The following RBFOX1 variants were observed in gnomAD, a reference collection of about 807,000 sequenced individuals.
RBFOX1 encodes RNA binding fox-1 homolog 1.
A neutral mutation model predicts 57.7 loss-of-function variants in RBFOX1; 8 were observed. The ratio of observed to expected loss-of-function variants is 0.14; its 90% confidence interval spans 0.08 to 0.25. The LOEUF (loss-of-function observed/expected upper bound fraction) is 0.25, where lower values mean the gene tolerates loss of function less well. RBFOX1 is among the 10% of genes least tolerant of loss of function. The probability of loss-of-function intolerance (pLI) is 1.00; values close to 1 mark genes in which losing one functional copy is unlikely to be tolerated. For missense variants in RBFOX1, 611 were observed against 548.5 expected, an observed-to-expected ratio of 1.11 and a Z score of -1.14; for synonymous variants, 326 against 222.4, an observed-to-expected ratio of 1.47 and a Z score of -4.15.
intron 5 of RBFOX1, among the ~76,000 whole-genome samples, chr16:7,543,998 C>T (rs143737611): frequency 2.0e-4 from 30 of 152,270 alleles, no homozygotes; most frequent in South Asian, 1.7e-3. Context: ...GGATTATAGG[C>T]GTAAGCCACC....
chr16:7,108,821 TC>T (rs1243180672), intron 4 of RBFOX1, among the ~76,000 whole-genome samples: 2 of 152,126 alleles, frequency 1.3e-5, no homozygotes, highest in African/African-American at 4.8e-5. Flanking sequence ...TGTACCTAAA[TC>T]CCCGTCAAGG....
intron 3 of RBFOX1, among the ~76,000 whole-genome samples, chr16:5,779,526 C>T (rs1213594669): frequency 6.6e-6 from 1 of 152,194 alleles, no homozygotes; most frequent in Non-Finnish European, 1.5e-5. Context: ...ATTGAAACTA[C>T]AGAATCAAAC....
intron 4 of RBFOX1, among the ~76,000 whole-genome samples, chr16:7,193,993 C>G (rs117785805): frequency 4.0e-5 from 6 of 151,612 alleles, no homozygotes; most frequent in South Asian, 4.2e-4. Flanking sequence ...TAGTCTTTCC[C>G]AAGTATAAGC....
chr16:6,807,643 C>G (rs1026280028), intron 3 of RBFOX1, among the ~76,000 whole-genome samples: 4 of 151,960 alleles, frequency 2.6e-5, no homozygotes, highest in African/African-American at 4.8e-5. Flanking sequence ...TGGTGAAAGC[C>G]CATCTCCACT....
chr16:6,963,268 T>C (rs1187005113), intron 3 of RBFOX1, among the ~76,000 whole-genome samples: 1 of 152,156 alleles, frequency 6.6e-6, no homozygotes, highest in East Asian at 1.9e-4. Flanking sequence ...TAGCCCATCT[T>C]AGGGTCTTTC....
At chr16:7,699,733 CCTTT>C (rs1409020923) in intron 14 of RBFOX1, among the ~76,000 whole-genome samples, 3 of 151,622 alleles carry the variant, frequency 2.0e-5, no homozygotes, top group Admixed American at 6.6e-5. Flanking sequence ...AATGAGTTCA[CCTTT>C]TTTTTTTACT....
intron 1 of RBFOX1, among the ~76,000 whole-genome samples, chr16:6,117,234 G>A (rs2096506194): frequency 6.6e-6 from 1 of 152,146 alleles, no homozygotes; most frequent in Non-Finnish European, 1.5e-5. Context: ...TACTATGAGT[G>A]TGTAAATTCC....
At position 6,013,814 on chromosome 16, in the gene RBFOX1, C is replaced by A. The variant is rs562038264; in HGVS notation, c.351+146479C>A. Among the ~76,000 whole-genome samples the A allele has an allele frequency of 7.2e-5, 11 of 151,910 alleles. No individual in the cohort carries two copies. In the East Asian group the frequency reaches 2.1e-3, roughly 29 times the overall value. On this transcript the variant is annotated intron_variant, in intron 4 of 19. Coordinates refer to the RBFOX1 transcript ENST00000641259. ...AAGTCTTTGCTATTGTGAATAGTGC[C>A]GCATGGATGAAGCTGGAAACCATCA... is the stretch of plus-strand genomic sequence containing the variant.
intron 1 of RBFOX1, among the ~76,000 whole-genome samples, chr16:5,301,956 TCTC>T (rs1182131488): frequency 6.6e-6 from 1 of 152,166 alleles, no homozygotes; most frequent in Non-Finnish European, 1.5e-5. Context: ...CTGATTTCTC[TCTC>T]ATTTTTATTT....
chr16:7,142,117 A>G (rs1229385941), intron 4 of RBFOX1, among the ~76,000 whole-genome samples: 1 of 151,926 alleles, frequency 6.6e-6, no homozygotes, highest in Non-Finnish European at 1.5e-5. Flanking sequence ...TCAACCTCCC[A>G]GGCTAAAGGG....
chr16:6,813,789 C>A (rs557811661), intron 3 of RBFOX1, among the ~76,000 whole-genome samples: 65 of 152,282 alleles, frequency 4.3e-4, no homozygotes, highest in African/African-American at 1.5e-3. Flanking sequence ...TGCAGAGATG[C>A]GGAGGATTCC....
intron 2 of RBFOX1, among the ~76,000 whole-genome samples, chr16:6,451,476 G>C (rs548919614): frequency 6.6e-6 from 1 of 152,056 alleles, no homozygotes; most frequent in Non-Finnish European, 1.5e-5. Context: ...AGACTCACTC[G>C]GGCCAAAATC....
intron 11 of RBFOX1, among the ~76,000 whole-genome samples, chr16:7,643,345 C>T (rs757449606): frequency 6.6e-6 from 1 of 151,990 alleles, no homozygotes; most frequent in Non-Finnish European, 1.5e-5. Flanking sequence ...TTTTTATTTC[C>T]ACAAAAAGAA....
intron 3 of RBFOX1, among the ~76,000 whole-genome samples, chr16:6,669,547 G>A (rs1269424455): frequency 6.6e-6 from 1 of 152,022 alleles, no homozygotes; most frequent in East Asian, 1.9e-4. Context: ...ACAGCTTGAC[G>A]TTTTGATTTT....
At chr16:6,877,490 C>T (rs567319099) in intron 3 of RBFOX1, among the ~76,000 whole-genome samples, 144 of 152,218 alleles carry the variant, frequency 9.5e-4, no homozygotes, top group South Asian at 1.9e-3. Context: ...CATAAAATGC[C>T]TACTTACTGT....
intron 4 of RBFOX1, among the ~76,000 whole-genome samples, chr16:7,122,666 G>A (rs963963963): frequency 2.6e-5 from 4 of 152,018 alleles, no homozygotes; most frequent in African/African-American, 4.8e-5. Flanking sequence ...TTGACAGTCC[G>A]TTACAAAGTT....
intron 4 of RBFOX1, among the ~76,000 whole-genome samples, chr16:7,379,163 C>G (rs1250730356): frequency 6.6e-6 from 1 of 152,160 alleles, no homozygotes; most frequent in African/African-American, 2.4e-5. Context: ...GCAGTAAACT[C>G]TCTTTCCTCT....
At chr16:7,608,110 G>A (rs1352691845) in intron 10 of RBFOX1, among the ~76,000 whole-genome samples, 2 of 152,154 alleles carry the variant, frequency 1.3e-5, no homozygotes, top group Non-Finnish European at 2.9e-5. Context: ...TTGCCACATG[G>A]CTATTTAAAA....
At chr16:7,265,511 C>T (rs915757854) in intron 4 of RBFOX1, among the ~76,000 whole-genome samples, 7 of 152,006 alleles carry the variant, frequency 4.6e-5, no homozygotes, top group Non-Finnish European at 1.0e-4. Flanking sequence ...TGCAGTGGCA[C>T]GATCTCAGCT....
Sources: gnomAD v4.1 joint callset for allele counts (sites outside exome capture counted in the v4.1 genomes callset) on GRCh38, gnomAD v4.1.1 for gene constraint, MANE v1.5 for transcripts, NCBI Gene and HGNC (gene_info 2026-07-23, HGNC 2026-07-21) for gene names.